Variants in R3HDM2 observed in about 807,000 individuals in gnomAD.
R3HDM2 encodes the protein R3H domain-containing protein 2.
Under a neutral mutation model 124.5 loss-of-function variants are expected in R3HDM2, and 38 were observed. That is an observed-to-expected ratio of 0.31 (90% CI 0.24 to 0.40). R3HDM2 has a LOEUF of 0.40. Ranked by LOEUF, R3HDM2 falls within the 10% of genes least tolerant of loss-of-function variation. The probability of loss-of-function intolerance (pLI) is 1.00; values close to 1 mark genes in which losing one functional copy is unlikely to be tolerated. For synonymous variants in R3HDM2, 391 were observed against 448.0 expected (o/e 0.87, Z 1.61); for missense variants, 869 against 1,236.9 (o/e 0.70, Z 4.46).
At chr12:57,420,706 C>T (rs2070110738) in intron 1 of R3HDM2, among the ~76,000 whole-genome samples, 1 of 151,956 alleles carries the variant, frequency 6.6e-6, no homozygotes, top group African/African-American at 2.4e-5. Context: ...TTCTGGGGCT[C>T]CACTTCCACC....
At chr12:57,381,035 G>A (rs375910414) in intron 2 of R3HDM2, among the ~76,000 whole-genome samples, 1 of 151,712 alleles carries the variant, frequency 6.6e-6, no homozygotes, top group South Asian at 2.1e-4. Context: ...TTCGAGACCA[G>A]CCTGGCTAAC....
intron 21 of R3HDM2, among the ~76,000 whole-genome samples, chr12:57,256,974 C>T (rs1403586588): frequency 6.6e-6 from 1 of 152,104 alleles, no homozygotes; most frequent in Non-Finnish European, 1.5e-5. Flanking sequence ...TGCCACCACG[C>T]CTGGCTAATT....
Position 57,280,490 on chromosome 12 carries a change from G to A in R3HDM2, c.1212C>T (p.Thr404=). The part of the protein sequence containing the change: ...LGAPEVCNQV[T]SSQSVRGLLP... ...GAAGCCCCCGGACAGACTGGGATGA[G>A]GTGACCTGGTTGCACACTTCTGGGG... Residue 404 remains threonine, a synonymous_variant, in exon 14 of 24, where the codon ACC becomes ACT. Transcript: ENST00000402412. 6.2e-7 allele frequency: 1 copy of A among 1,613,522 alleles called. No individual in the cohort carries two copies. The highest frequency in any genetic ancestry group is 8.5e-7 in the Non-Finnish European group (1 of 1,179,628).
chr12:57,422,729 A>C (rs2070334067), intron 1 of R3HDM2, among the ~76,000 whole-genome samples: 1 of 152,190 alleles, frequency 6.6e-6, no homozygotes, highest in Non-Finnish European at 1.5e-5. Flanking sequence ...CAATCCCAGC[A>C]CTTTGGGAGG....
At chr12:57,294,060 C>A (rs2049200801) in intron 10 of R3HDM2, among the ~76,000 whole-genome samples, 1 of 152,146 alleles carries the variant, frequency 6.6e-6, no homozygotes, top group Non-Finnish European at 1.5e-5. Context: ...CCTCAGTTTT[C>A]TTATATGTAA....
Position 57,422,637 on chromosome 12 carries a change from G to A in R3HDM2, c.-106+8083C>T, listed in dbSNP as rs139016540. On this transcript the variant is annotated intron_variant, in intron 1 of 23. Coordinates refer to ENST00000402412, the MANE Select transcript of R3HDM2 (RefSeq NM_001394031.1). ...TACATATGCCACTAGGTTTAAGAAC[G>A]AGAGATAGGGAGAATACAACAGAAA... 4.9e-3 allele frequency among the ~76,000 whole-genome samples: 743 copies of A among 152,234 alleles called. 4 individuals carry two copies. Among genetic ancestry groups the A allele is most frequent in the African/African-American group, 0.017 (715 of 41,554 alleles).
At chr12:57,284,531 C>A (rs924551753) in intron 12 of R3HDM2, among the ~76,000 whole-genome samples, 1 of 152,230 alleles carries the variant, frequency 6.6e-6, no homozygotes, top group African/African-American at 2.4e-5. Context: ...CCACATAACA[C>A]ATGTCTAAGC....
chr12:57,403,602 A>T (rs2068248178), intron 1 of R3HDM2, among the ~76,000 whole-genome samples: 1 of 151,992 alleles, frequency 6.6e-6, no homozygotes, highest in Non-Finnish European at 1.5e-5. Context: ...TGAGCTCAGG[A>T]ATTCGAGACC....
At chr12:57,403,852 A>C (rs979678814) in intron 1 of R3HDM2, among the ~76,000 whole-genome samples, 4 of 151,768 alleles carry the variant, frequency 2.6e-5, no homozygotes, top group Non-Finnish European at 5.9e-5. Flanking sequence ...ACTCCATTTC[A>C]TACTTTTTTC....
At chr12:57,316,588 T>A (rs888594899) in intron 2 of R3HDM2, among the ~76,000 whole-genome samples, 2 of 146,256 alleles carry the variant, frequency 1.4e-5, no homozygotes, top group African/African-American at 5.1e-5. Flanking sequence ...CATCCTTTTT[T>A]TTTTTTTTTT....
chr12:57,292,724 G>GCA (rs1245096677), intron 10 of R3HDM2, 57 bp from the exon 11 acceptor site: 3 of 1,084,946 alleles, frequency 2.8e-6, no homozygotes, highest in African/African-American at 1.6e-5. Context: ...CAAGCTCACT[G>GCA]CACACCAGCA....
chr12:57,269,210 C>G (rs866485204), intron 16 of R3HDM2, 113 bp downstream of exon 16: 1 of 1,545,574 alleles, frequency 6.5e-7, no homozygotes, highest in Non-Finnish European at 8.8e-7. Flanking sequence ...TCTTAGGACC[C>G]TAATCATTCC....
intron 2 of R3HDM2, among the ~76,000 whole-genome samples, chr12:57,362,597 C>T (rs2062084235): frequency 6.6e-6 from 1 of 152,126 alleles, no homozygotes; most frequent in South Asian, 2.1e-4. Flanking sequence ...GCAGTCAGTA[C>T]CCCTAACCCC....
At chr12:57,418,205 A>G (rs1365414953) in intron 1 of R3HDM2, 1 of 985,142 alleles carries the variant, frequency 1.0e-6, no homozygotes, top group Non-Finnish European at 1.2e-6. Flanking sequence ...ATCCATCCAC[A>G]ATTCCTCCCC....
At chr12:57,347,694 C>G (rs773298363) in intron 2 of R3HDM2, among the ~76,000 whole-genome samples, 2 of 152,162 alleles carry the variant, frequency 1.3e-5, no homozygotes, top group Non-Finnish European at 2.9e-5. Flanking sequence ...TTTAAGCCAC[C>G]TAGTCTGTGG....
intron 1 of R3HDM2, chr12:57,418,388 C>T (rs1178749862): frequency 1.0e-6 from 1 of 972,200 alleles, no homozygotes; most frequent in Non-Finnish European, 1.2e-6. Flanking sequence ...GCAATATTCC[C>T]AACGGTGGTT....
At chr12:57,359,973 A>G (rs2061684820) in intron 2 of R3HDM2, among the ~76,000 whole-genome samples, 1 of 147,666 alleles carries the variant, frequency 6.8e-6, no homozygotes, top group Non-Finnish European at 1.5e-5. Context: ...AGGTCCACTT[A>G]TATGTGAATT....
intron 13 of R3HDM2, among the ~76,000 whole-genome samples, chr12:57,280,928 G>T (rs909518910): frequency 8.4e-5 from 1 of 11,892 alleles, no homozygotes; most frequent in Non-Finnish European, 7.0e-4. Flanking sequence ...CCGTCCTTTT[G>T]CTAGAGAGAG....
intron 1 of R3HDM2, among the ~76,000 whole-genome samples, chr12:57,414,746 T>C (rs1594606339): frequency 1.3e-5 from 2 of 149,100 alleles, no homozygotes; most frequent in East Asian, 4.0e-4. Flanking sequence ...GGCAGGAGAA[T>C]CACTTGTACC....
Sources: gnomAD v4.1 joint callset for allele counts (sites outside exome capture counted in the v4.1 genomes callset) on GRCh38, gnomAD v4.1.1 for gene constraint, MANE v1.5 for transcripts, NCBI Gene and HGNC (gene_info 2026-07-23, HGNC 2026-07-21) for gene names.